TGS1: variants seen among roughly 807,000 people sequenced by gnomAD.
TGS1 encodes the protein trimethylguanosine synthase.
A neutral mutation model predicts 92.2 loss-of-function variants in TGS1; 69 were observed. The ratio of observed to expected loss-of-function variants is 0.75; its 90% confidence interval spans 0.62 to 0.91. The LOEUF (loss-of-function observed/expected upper bound fraction) is 0.91. TGS1 is among the 40% of genes least tolerant of loss of function. TGS1 has a pLI of 0.00. For missense variants in TGS1, 1,062 were observed against 1,001.2 expected (o/e 1.06, Z -0.82); for synonymous variants, 345 against 338.1 (o/e 1.02, Z -0.22).
chr8:55,783,898 A>G (rs1047915815), intron 2 of TGS1, among the ~76,000 whole-genome samples: 2 of 152,242 alleles, frequency 1.3e-5, no homozygotes, highest in Admixed American at 6.5e-5. Flanking sequence ...AAATATGCAT[A>G]CAATGAAAGG....
rs1187946312 is a variant in TGS1, at chr8:55,825,740, GTT to G, written c.*1039_*1040del. 1.3e-5 allele frequency among the ~76,000 whole-genome samples: 2 copies of G among 152,140 alleles called. No individual in the cohort carries two copies. Among genetic ancestry groups the G allele is most frequent in the African/African-American group, 4.8e-5 (2 of 41,430 alleles). ...ATATGCTAATTTTAGTGTCTTGAAA[GTT>G]TACAATTTATCTGATTGCTCTGCAG... On this transcript the variant is annotated 3_prime_UTR_variant, in exon 13 of 13. Coordinates refer to ENST00000260129, the MANE Select transcript of TGS1 (RefSeq NM_024831.8).
At chr8:55,808,116 A>T (rs1270768530) in intron 10 of TGS1, among the ~76,000 whole-genome samples, 1 of 152,208 alleles carries the variant, frequency 6.6e-6, no homozygotes, top group African/African-American at 2.4e-5. Context: ...TTTTAAGGTC[A>T]GTGCTGATGA....
Position 55,782,222 on chromosome 8 carries a change from C to T in TGS1, c.102-526C>T, listed in dbSNP as rs559267913. The stretch of plus-strand genomic sequence containing the variant: ...TTGAGATAGATTTTTGCTCTTGTCG[C>T]CCAGGCTAGAGTGCAGTGGTGTGAT... On this transcript the variant is annotated intron_variant, in intron 1 of 12. Transcript: ENST00000260129. Among the ~76,000 whole-genome samples, 498 of 151,870 alleles carry T rather than the reference C, an allele frequency of 3.3e-3. 3 individuals carry two copies. The highest frequency in any genetic ancestry group is 0.013 in the South Asian group (62 of 4,810).
chr8:55,796,211 C>T, intron 7 of TGS1, 59 bp downstream of exon 7: 1 of 1,319,100 alleles, frequency 7.6e-7, no homozygotes, highest in Non-Finnish European at 1.1e-6. Context: ...AGTTTGACCT[C>T]TTAAAATTGT....
rs1803772665 is a variant in TGS1 at position 55,825,591 on chromosome 8, C to T, written c.*888C>T. ...ATTTTAATAATATGAGCGTGTTAAA[C>T]ATTAAACAGAACATGATACTGGCTG... On this transcript the variant is annotated 3_prime_UTR_variant, in exon 13 of 13. Transcript: ENST00000260129. 1 of 152,122 alleles carries T rather than the reference C, an allele frequency of 6.6e-6. No individual in the cohort carries two copies. Among genetic ancestry groups the T allele is most frequent in the South Asian group, 2.1e-4 (1 of 4,832 alleles). 9.4% of individuals were successfully genotyped at this position (152,122 alleles called of 1,614,324 possible).
intron 1 of TGS1, among the ~76,000 whole-genome samples, chr8:55,775,410 G>A (rs927186081): frequency 2.0e-5 from 3 of 152,144 alleles, no homozygotes; most frequent in Non-Finnish European, 2.9e-5. Context: ...CTACTCAGGC[G>A]GCAGTGTGGA....
At chr8:55,780,749 C>T (rs1002657173) in intron 1 of TGS1, among the ~76,000 whole-genome samples, 5 of 152,138 alleles carry the variant, frequency 3.3e-5, no homozygotes, top group Admixed American at 6.6e-5. Context: ...CTGTAAGGAG[C>T]GCTTTCCCTT....
chr8:55,785,416 C>T (rs148378377), intron 2 of TGS1, among the ~76,000 whole-genome samples: 22 of 151,942 alleles, frequency 1.4e-4, no homozygotes, highest in African/African-American at 4.6e-4. Context: ...TGTAACTTTG[C>T]AGGCCAGGCA....
chr8:55,808,762 G>A (rs142063375), intron 10 of TGS1, among the ~76,000 whole-genome samples: 1,707 of 152,030 alleles, frequency 0.011, 24 homozygotes, highest in African/African-American at 0.039. Context: ...ACCCAACCTC[G>A]GCCTCCCAAA....
At chr8:55,795,611 C>G (rs1427166575) in intron 6 of TGS1, among the ~76,000 whole-genome samples, 1 of 152,172 alleles carries the variant, frequency 6.6e-6, no homozygotes, top group Non-Finnish European at 1.5e-5. Context: ...AGAGCTTTGA[C>G]ATCACCCCAC....
chr8:55,811,159 G>A, intron 11 of TGS1, 62 bp downstream of exon 11: 1 of 541,126 alleles, frequency 1.8e-6, no homozygotes, highest in Non-Finnish European at 3.2e-6. Context: ...AGGAGCATGA[G>A]AGTGAGAGAG....
rs920075403 is a variant in TGS1 at position 55,826,218 on chromosome 8, A to AT, written c.*1523dup. ...TAAAGGCAGATTTCCAAAATCACTA[A>AT]TTTTTTTTAGTTTTTTGTCACTTAA... On this transcript the variant is annotated 3_prime_UTR_variant, in exon 13 of 13. Coordinates refer to ENST00000260129, the MANE Select transcript of TGS1 (RefSeq NM_024831.8). Among the ~76,000 whole-genome samples, 2 of 151,824 alleles carry AT rather than the reference A, an allele frequency of 1.3e-5. No individual in the cohort carries two copies. Among genetic ancestry groups the AT allele is most frequent in the South Asian group, 4.2e-4 (2 of 4,816 alleles).
intron 12 of TGS1, among the ~76,000 whole-genome samples, chr8:55,822,708 G>T (rs1803683475): frequency 6.6e-6 from 1 of 151,054 alleles, no homozygotes; most frequent in Non-Finnish European, 1.5e-5. Context: ...AAAAAAAATA[G>T]TGGGGGGGGT....
chr8:55,791,301 T>C (rs1408536098), intron 5 of TGS1, among the ~76,000 whole-genome samples: 2 of 152,210 alleles, frequency 1.3e-5, no homozygotes, highest in Admixed American at 1.3e-4. Flanking sequence ...ATTTGCTTGA[T>C]AACAGGAACT....
chr8:55,790,689 T>A (rs1466879250), intron 5 of TGS1, among the ~76,000 whole-genome samples: 1 of 149,048 alleles, frequency 6.7e-6, no homozygotes, highest in East Asian at 1.9e-4. Context: ...GTTAATTTTT[T>A]AAAATTTTTT....
chr8:55,785,527 T>A (rs1811683426), intron 2 of TGS1, among the ~76,000 whole-genome samples, 192 bp from the exon 3 acceptor site: 1 of 152,110 alleles, frequency 6.6e-6, no homozygotes, highest in Non-Finnish European at 1.5e-5. Flanking sequence ...TGATCACACC[T>A]GCAGATAGCC....
intron 5 of TGS1, 87 bp downstream of exon 5, chr8:55,790,386 T>A: frequency 1.2e-6 from 1 of 829,778 alleles, no homozygotes. Flanking sequence ...GATTGTTATG[T>A]TCACAACACC....
chr8:55,786,334 T>C lies in TGS1; in HGVS notation c.436T>C (p.Tyr146His), dbSNP rs373281731. The change falls in exon 4 of 13, where the codon TAT (tyrosine) becomes CAT (histidine). Residue 146 changes from tyrosine (Y) to histidine (H), a missense_variant. Transcript: ENST00000260129. ...TGTGCAAGAATCTTGGAGAAAAGAA[T>C]ATGAAGAAGACGACATTTTGGCTTC... ...EIVQESWRKE[Y>H]EEDDILASDD... 3.3e-5 allele frequency: 53 copies of C among 1,609,500 alleles called. No individual in the cohort carries two copies. Among genetic ancestry groups the C allele is most frequent in the Non-Finnish European group, 4.4e-5 (52 of 1,177,242 alleles).
chr8:55,824,510 G>A, intron 12 of TGS1, 71 bp from the exon 13 acceptor site: 1 of 1,580,932 alleles, frequency 6.3e-7, no homozygotes, highest in Non-Finnish European at 8.6e-7. Flanking sequence ...ATTTGATAAA[G>A]CAGTACAAGT....
Sources: allele counts gnomAD v4.1 joint callset (sites outside exome capture counted in the v4.1 genomes callset), GRCh38; gene constraint gnomAD v4.1.1; transcripts MANE v1.5; gene names NCBI Gene and HGNC (gene_info 2026-07-23, HGNC 2026-07-21).